The following CFAP97D2 variants were observed in gnomAD, a reference collection of about 807,000 sequenced individuals.
CFAP97D2 encodes CFAP97 domain containing 2, also known as uncharacterized protein CFAP97D2.
intron 4 of CFAP97D2, among the ~76,000 whole-genome samples, chr13:114,219,969 T>C (rs1254536866): frequency 1.3e-5 from 2 of 151,838 alleles, no homozygotes; most frequent in Non-Finnish European, 2.9e-5. Context: ...TGAATGCGTC[T>C]CTCGGTGGTG....
rs536149104 is a variant in CFAP97D2, at chr13:114,209,714, C to T, written c.291-2198C>T. 2.6e-5 allele frequency among the ~76,000 whole-genome samples: 4 copies of T among 152,338 alleles called. No individual in the cohort carries two copies. In the East Asian group the frequency reaches 5.8e-4, roughly 22 times the overall value. On this transcript the variant is annotated intron_variant, in intron 3 of 4. Coordinates refer to ENST00000646158, the Ensembl canonical transcript of CFAP97D2. Reference sequence around the variant, plus strand: ...AGCAGCCAAAGTCATCATTTAAGCACGGTAAAAGAAAGCACAGTCACTTAC... The same window carrying T: ...AGCAGCCAAAGTCATCATTTAAGCATGGTAAAAGAAAGCACAGTCACTTAC...
chr13:114,191,407 T>C (rs1051145994), intron 1 of CFAP97D2, among the ~76,000 whole-genome samples: 4 of 152,098 alleles, frequency 2.6e-5, no homozygotes, highest in Non-Finnish European at 5.9e-5. Flanking sequence ...CATAAAGAAC[T>C]CTTAAAACTC....
chr13:114,184,894 G>C (rs940154912), intron 1 of CFAP97D2, among the ~76,000 whole-genome samples: 2 of 152,180 alleles, frequency 1.3e-5, no homozygotes, highest in Admixed American at 1.3e-4. Context: ...TTACTGCATG[G>C]TGTTAGACTG....
intron 1 of CFAP97D2, among the ~76,000 whole-genome samples, chr13:114,192,167 A>C (rs1430407403): frequency 6.6e-6 from 1 of 152,194 alleles, no homozygotes; most frequent in Non-Finnish European, 1.5e-5. Context: ...GTTATTGTAC[A>C]TGTGTCCAGA....
intron 4 of CFAP97D2, among the ~76,000 whole-genome samples, chr13:114,214,723 G>A (rs1038832958): frequency 1.3e-5 from 2 of 151,996 alleles, no homozygotes; most frequent in African/African-American, 2.4e-5. Flanking sequence ...AGTAGCTGGG[G>A]TTATAGGCAT....
chr13:114,185,329 G>A lies in CFAP97D2; in HGVS notation c.90+5909G>A, dbSNP rs2080850596. Reference sequence around the variant, plus strand: ...GCCAGGCCGAGCTGCCTGCTGACGGGAGAGCAGTGCAGTTGGGCACACAGG... The same window carrying A: ...GCCAGGCCGAGCTGCCTGCTGACGGAAGAGCAGTGCAGTTGGGCACACAGG... On this transcript the variant is annotated intron_variant, in intron 1 of 4. Coordinates refer to ENST00000646158, the Ensembl canonical transcript of CFAP97D2. The surrounding 1 kb of genome is among the most constrained non-coding windows in gnomAD (Gnocchi z 5.2). Among the ~76,000 whole-genome samples the A allele has an allele frequency of 6.6e-6, 1 of 152,246 alleles. No individual in the cohort carries two copies. Among genetic ancestry groups the A allele is most frequent in the Admixed American group, 6.5e-5 (1 of 15,290 alleles).
intron 1 of CFAP97D2, among the ~76,000 whole-genome samples, chr13:114,181,218 G>A (rs1480588870): frequency 2.0e-5 from 3 of 152,218 alleles, no homozygotes; most frequent in Non-Finnish European, 4.4e-5. Flanking sequence ...GTCACATATC[G>A]TAAGGAACTG....
At chr13:114,206,602 G>T (rs570488554) in intron 3 of CFAP97D2, among the ~76,000 whole-genome samples, 2 of 152,200 alleles carry the variant, frequency 1.3e-5, no homozygotes, top group Non-Finnish European at 2.9e-5. Context: ...ACGATTCCAC[G>T]TATATGAAAC....
At chr13:114,188,271 C>CAA (rs35727895) in intron 1 of CFAP97D2, among the ~76,000 whole-genome samples, 4 of 84,604 alleles carry the variant, frequency 4.7e-5, no homozygotes, top group Middle Eastern at 7.8e-3. Flanking sequence ...GACCCTGTCT[C>CAA]AAAAAAAAAA....
At chr13:114,205,083 A>T (rs1175531245) in intron 3 of CFAP97D2, among the ~76,000 whole-genome samples, 1 of 152,252 alleles carries the variant, frequency 6.6e-6, no homozygotes. Flanking sequence ...ACTTAGCATC[A>T]TTCATCATCA....
chr13:114,203,985 AAAG>A lies in CFAP97D2; in HGVS notation c.290+3547_290+3549del, dbSNP rs1389842810. Among the ~76,000 whole-genome samples, 2 of 152,360 alleles carry A rather than the reference AAAG, an allele frequency of 1.3e-5. No homozygotes were observed. The highest frequency in any genetic ancestry group is 3.9e-4 in the East Asian group (2 of 5,184). On this transcript the variant is annotated intron_variant, in intron 3 of 4. Transcript: ENST00000646158. This position sits in a 1 kb window ranked among gnomAD's most constrained non-coding sequence, Gnocchi z 4.3. The stretch of plus-strand genomic sequence containing the variant: ...TTGTTTTAGTCAAAACAATCCTGAA[AAAG>A]AAGATCAAAGTAGTAGGACTCATGT...
rs1412970076 is a variant in CFAP97D2, at chr13:114,179,908, C to G, written c.90+488C>G. ...TCAGGTGATCCACCTGCCTCAGCCT[C>G]CCAAAGTGCTGGGATTACAGGCATG... On this transcript the variant is annotated intron_variant, in intron 1 of 4. Transcript: ENST00000646158. The surrounding 1 kb of genome is among the most constrained non-coding windows in gnomAD (Gnocchi z 4.8). 1.3e-5 allele frequency among the ~76,000 whole-genome samples: 2 copies of G among 152,200 alleles called. No individual in the cohort carries two copies. Among genetic ancestry groups the G allele is most frequent in the African/African-American group, 4.8e-5 (2 of 41,448 alleles).
chr13:114,179,825 A>G lies in CFAP97D2; in HGVS notation c.90+405A>G, dbSNP rs2080826137. On this transcript the variant is annotated intron_variant, in intron 1 of 4. Coordinates refer to ENST00000646158, the Ensembl canonical transcript of CFAP97D2. The surrounding 1 kb of genome is among the most constrained non-coding windows in gnomAD (Gnocchi z 4.8). Reference sequence around the variant, plus strand: ...GTTTTTGTTTTTGTTTGTTTTTGAGAGGGATGTTGCCATAGGGGTGTTGCC... The same window carrying G: ...GTTTTTGTTTTTGTTTGTTTTTGAGGGGGATGTTGCCATAGGGGTGTTGCC... Among the ~76,000 whole-genome samples the G allele has an allele frequency of 6.6e-6, 1 of 151,498 alleles. No homozygotes were observed. The highest frequency in any genetic ancestry group is 1.5e-5 in the Non-Finnish European group (1 of 67,902).
intron 3 of CFAP97D2, among the ~76,000 whole-genome samples, chr13:114,204,497 A>G (rs142440809): frequency 6.6e-6 from 1 of 152,372 alleles, no homozygotes; most frequent in African/African-American, 2.4e-5. Context: ...TTACACTGGC[A>G]TTAAGATAGA....
At chr13:114,183,311 C>T (rs74738131) in intron 1 of CFAP97D2, among the ~76,000 whole-genome samples, 3,527 of 152,124 alleles carry the variant, frequency 0.023, 140 homozygotes, top group African/African-American at 0.081. Flanking sequence ...TGATTACAGT[C>T]GCGTGCCACC....
intron 1 of CFAP97D2, among the ~76,000 whole-genome samples, chr13:114,190,136 C>A (rs544199993): frequency 6.7e-6 from 1 of 149,608 alleles, no homozygotes; most frequent in African/African-American, 2.5e-5. Context: ...AGGGAGGCCC[C>A]GTCTTAAAAA....
At position 114,186,037 on chromosome 13, in the gene CFAP97D2, T is replaced by C. The variant is rs369227707; in HGVS notation, c.90+6617T>C. On this transcript the variant is annotated intron_variant, in intron 1 of 4. Coordinates refer to ENST00000646158, the Ensembl canonical transcript of CFAP97D2. This position sits in a 1 kb window ranked among gnomAD's most constrained non-coding sequence, Gnocchi z 4.3. Reference sequence around the variant, plus strand: ...CCCTGGGTCTGCCCATGGCCACCCATGGACCAATCAGCATGCACTTCCTCC... The same window carrying C: ...CCCTGGGTCTGCCCATGGCCACCCACGGACCAATCAGCATGCACTTCCTCC... Among the ~76,000 whole-genome samples the C allele has an allele frequency of 3.9e-5, 6 of 152,314 alleles. No homozygotes were observed. The East Asian group carries it at 9.6e-4, about 24-fold the overall frequency.
chr13:114,216,194 C>T (rs949776293), intron 4 of CFAP97D2, among the ~76,000 whole-genome samples: 4 of 152,166 alleles, frequency 2.6e-5, no homozygotes, highest in Admixed American at 1.3e-4. Context: ...TCTGTGTCTG[C>T]GACACTCCTT....
At chr13:114,210,035 A>G (rs573216613) in intron 3 of CFAP97D2, among the ~76,000 whole-genome samples, 1 of 152,358 alleles carries the variant, frequency 6.6e-6, no homozygotes, top group East Asian at 1.9e-4. Context: ...AAATTTAACT[A>G]TCATTTCATC....
Sources: allele counts gnomAD v4.1 joint callset (sites outside exome capture counted in the v4.1 genomes callset), GRCh38; gene constraint gnomAD v4.1.1; non-coding constraint Gnocchi (gnomAD v3.1); transcripts MANE v1.5; gene names NCBI Gene and HGNC (gene_info 2026-07-23, HGNC 2026-07-21).